RBM43: variants seen among roughly 807,000 people sequenced by gnomAD.
RBM43 encodes the protein RNA binding motif protein 43.
A neutral mutation model predicts 12.4 loss-of-function variants in RBM43; 12 were observed. The ratio of observed to expected loss-of-function variants is 0.97; its 90% CI spans 0.62 to 1.57. The LOEUF (loss-of-function observed/expected upper bound fraction) is 1.57. Ranked by LOEUF, RBM43 falls within the 40% of genes most tolerant of loss-of-function variation. RBM43 has a pLI of 0.00. For missense variants in RBM43, 348 were observed against 400.1 expected (o/e 0.87, Z 1.11); for synonymous variants, 138 against 145.7 (o/e 0.95, Z 0.38).
chr2:151,255,458 A>C, intron 2 of RBM43, 75 bp downstream of exon 2: 2 of 1,047,934 alleles, frequency 1.9e-6, no homozygotes, highest in East Asian at 5.2e-5. Context: ...TCCGTGGATC[A>C]TTTTAATAAA....
At chr2:151,261,615 G>T in intron 1 of RBM43, 110 bp downstream of exon 1, 14 of 1,541,738 alleles carry the variant, frequency 9.1e-6, no homozygotes, top group African/African-American at 4.1e-5. Flanking sequence ...CCCCTCCCGC[G>T]CAGCCCTGCA....
At chr2:151,254,780 C>A (rs1474353035) in intron 2 of RBM43, among the ~76,000 whole-genome samples, 1 of 152,194 alleles carries the variant, frequency 6.6e-6, no homozygotes, top group Non-Finnish European at 1.5e-5. Context: ...AGCCACACTT[C>A]TCAATTCAAC....
chr2:151,255,834 C>A (rs1404541346), intron 1 of RBM43, 91 bp from the exon 2 acceptor site: 24 of 959,838 alleles, frequency 2.5e-5, no homozygotes, highest in Admixed American at 4.4e-5. Context: ...ATATCTTATT[C>A]TATAAAAGTG....
At chr2:151,253,322 T>G (rs888849618) in intron 2 of RBM43, among the ~76,000 whole-genome samples, 3 of 152,168 alleles carry the variant, frequency 2.0e-5, no homozygotes, top group African/African-American at 7.2e-5. Flanking sequence ...CTGGGTGATC[T>G]CAACCATCTC....
In RBM43 at chr2:151,249,674, C is replaced by G. The variant is rs908562146; in HGVS notation, c.*1232G>C. The G allele has an allele frequency of 6.6e-6, 1 of 152,264 alleles. No individual in the cohort carries two copies. The highest frequency in any genetic ancestry group is 2.4e-5 in the African/African-American group (1 of 41,424). 9.4% of individuals were successfully genotyped at this position (152,264 alleles called of 1,614,324 possible). On this transcript the variant is annotated 3_prime_UTR_variant, in exon 4 of 4. Coordinates refer to ENST00000331426, the MANE Select transcript of RBM43 (RefSeq NM_198557.3). ...CTGGGATTACAGGTATGAGTCACCACGCCCGGCCAACTTGTGATCTTAAGA... is the reference window on the plus strand; with the variant it reads ...CTGGGATTACAGGTATGAGTCACCAGGCCCGGCCAACTTGTGATCTTAAGA...
intron 1 of RBM43, among the ~76,000 whole-genome samples, chr2:151,256,241 A>C (rs1302453978): frequency 6.6e-6 from 1 of 152,204 alleles, no homozygotes; most frequent in Non-Finnish European, 1.5e-5. Context: ...GATTACAGGC[A>C]TGAGCCACCA....
intron 1 of RBM43, among the ~76,000 whole-genome samples, chr2:151,257,543 A>C (rs1442450860): frequency 6.6e-6 from 1 of 151,768 alleles, no homozygotes; most frequent in Non-Finnish European, 1.5e-5. Context: ...AATACAAAAA[A>C]TTAGCCTGGC....
rs1428081973 is a variant in RBM43 at position 151,248,533 on chromosome 2, T to C, written c.*2373A>G. The C allele has an allele frequency of 6.6e-6, 1 of 152,178 alleles. No individual in the cohort carries two copies. Among genetic ancestry groups the C allele is most frequent in the Non-Finnish European group, 1.5e-5 (1 of 68,032 alleles). The allele number at this position is 152,178 out of a possible 1,614,324, so 9.4% of individuals were successfully genotyped here. A position where few individuals can be genotyped will look rare whatever the true frequency, so the allele number is the denominator to read the frequency against. ...ACAGTATTTTTTAACAAGGCAATAT[T>C]TGTATCCTGAATGTGTTTTGTTTTT... On this transcript the variant is annotated 3_prime_UTR_variant, in exon 4 of 4. Coordinates refer to ENST00000331426, the MANE Select transcript of RBM43 (RefSeq NM_198557.3).
At chr2:151,254,933 G>C (rs55987936) in intron 2 of RBM43, among the ~76,000 whole-genome samples, 1 of 151,810 alleles carries the variant, frequency 6.6e-6, no homozygotes, top group Non-Finnish European at 1.5e-5. Flanking sequence ...CCATTTTGTC[G>C]GTATTTTACA....
rs201040537 is a variant in RBM43 at position 151,252,862 on chromosome 2, G to A, written c.215-7C>T. On this transcript the variant is annotated splice_polypyrimidine_tract_variant and splice_region_variant and intron_variant, in intron 2 of 3. Coordinates refer to ENST00000331426, the MANE Select transcript of RBM43 (RefSeq NM_198557.3). ...CTGATGACATTCTCTGCAACTAAGT[G>A]GAAACACTGGCATCAGAAGTGTTTA... 3 of 1,484,168 alleles carry A rather than the reference G, an allele frequency of 2.0e-6. No homozygotes were observed. The highest frequency in any genetic ancestry group is 2.8e-5 in the African/African-American group (2 of 71,924). The allele number at this position is 1,484,168 out of a possible 1,614,324, so 91.9% of individuals were successfully genotyped here.
intron 1 of RBM43, among the ~76,000 whole-genome samples, chr2:151,256,246 C>A (rs1233561045): frequency 6.6e-6 from 1 of 152,146 alleles, no homozygotes; most frequent in Non-Finnish European, 1.5e-5. Context: ...CAGGCATGAG[C>A]CACCACGCCC....
chr2:151,258,248 G>A (rs1558870314), intron 1 of RBM43, among the ~76,000 whole-genome samples: 2 of 151,986 alleles, frequency 1.3e-5, no homozygotes, highest in Non-Finnish European at 2.9e-5. Context: ...ACAGGGTATT[G>A]GTAAAACAAC....
At position 151,261,608 on chromosome 2, in the gene RBM43, C is replaced by A. The variant is rs928389225; in HGVS notation, c.3+117G>T. 276 of 1,538,794 alleles carry A rather than the reference C, an allele frequency of 1.8e-4. 1 individual carries two copies. The highest frequency in any genetic ancestry group is 2.3e-4 in the Non-Finnish European group (265 of 1,142,448). On this transcript the variant is annotated intron_variant, in intron 1 of 3. Coordinates refer to ENST00000331426, the MANE Select transcript of RBM43 (RefSeq NM_198557.3). ...CTGGGGCCCCTCCGTGCGCCGCCCC[C>A]TCCCGCGCAGCCCTGCACCCTGGCC...
chr2:151,257,636 T>C (rs1398643702), intron 1 of RBM43, among the ~76,000 whole-genome samples: 1 of 151,792 alleles, frequency 6.6e-6, no homozygotes, highest in Non-Finnish European at 1.5e-5. Flanking sequence ...GAGGTTGGGG[T>C]GAGCCGAGAT....
rs146458532 is a variant in RBM43, at chr2:151,252,789, G to A, written c.281C>T (p.Thr94Ile). 3.1e-5 allele frequency: 50 copies of A among 1,609,464 alleles called. No individual in the cohort carries two copies. Among genetic ancestry groups the A allele is most frequent in the Non-Finnish European group, 4.0e-5 (47 of 1,176,078 alleles). ...LARKTRHAEL[T>I]VSLRVSHFGD... ...AAAATGAGAGACTCTGAGAGAGACT[G>A]TGAGTTCAGCATGTCTAGTCTTCCT... The change falls in exon 3 of 4, where the codon ACA (threonine) becomes ATA (isoleucine). Residue 94 changes from threonine (T) to isoleucine (I), a missense_variant. Transcript: ENST00000331426.
At chr2:151,255,451 G>A (rs11683285) in intron 2 of RBM43, 82 bp downstream of exon 2, 68,841 of 979,632 alleles carry the variant, frequency 0.07, 2,822 homozygotes, top group South Asian at 0.099. Flanking sequence ...TACCAATTCC[G>A]TGGATCATTT....
chr2:151,255,559 G>C lies in RBM43; in HGVS notation c.188C>G (p.Ala63Gly). ...TTTTTTTTCTTTGAATATTACATAT[G>C]CAACTCCCTTGGTTCTTGTCGGATA... ...VIYPTRTKGV[A>G]YVIFKEKKVA... The change falls in exon 2 of 4, where the codon GCA (alanine) becomes GGA (glycine). Residue 63 changes from alanine to glycine, a missense_variant. Ala to Gly is a moderately conservative substitution (Grantham distance 60). Transcript: ENST00000331426. 6.2e-7 allele frequency: 1 copy of C among 1,612,086 alleles called. No homozygotes were observed.
At chr2:151,261,205 A>G in intron 1 of RBM43, 1 of 1,510,204 alleles carries the variant, frequency 6.6e-7, no homozygotes, top group East Asian at 2.5e-5. Flanking sequence ...ATTCGCACCA[A>G]GGCAGACATA....
chr2:151,259,271 A>T (rs1362814727), intron 1 of RBM43, among the ~76,000 whole-genome samples: 2 of 152,270 alleles, frequency 1.3e-5, no homozygotes, highest in Non-Finnish European at 2.9e-5. Context: ...AAGTAATCAT[A>T]GCACACTATT....
Sources: gnomAD v4.1 joint callset for allele counts (sites outside exome capture counted in the v4.1 genomes callset) on GRCh38, gnomAD v4.1.1 for gene constraint, MANE v1.5 for transcripts, NCBI Gene and HGNC (gene_info 2026-07-23, HGNC 2026-07-21) for gene names.